BBS9: variants seen among roughly 807,000 people sequenced by gnomAD.
BBS9 encodes the protein Bardet-Biedl syndrome 9, also known as protein PTHB1.
BBS9 carries 89 observed loss-of-function variants against 117.7 expected under a neutral mutation model. That is an observed-to-expected ratio of 0.76 (90% CI 0.64 to 0.90). The LOEUF is 0.90. BBS9 is among the 40% of genes least tolerant of loss of function. The pLI is 0.00. For synonymous variants in BBS9, 379 were observed against 370.9 expected (o/e 1.02, Z -0.25); for missense variants, 982 against 1,042.2 (o/e 0.94, Z 0.80).
intron 7 of BBS9, among the ~76,000 whole-genome samples, chr7:33,268,062 C>T (rs1188217779): frequency 6.6e-6 from 1 of 152,150 alleles, no homozygotes; most frequent in Admixed American, 6.5e-5. Context: ...TTCCCTATTC[C>T]TCAGGCAAGA....
chr7:33,334,870 G>A (rs1814972809), intron 9 of BBS9, among the ~76,000 whole-genome samples: 1 of 152,178 alleles, frequency 6.6e-6, no homozygotes, highest in Non-Finnish European at 1.5e-5. Flanking sequence ...TTGAACCAGT[G>A]ACAACAATCT....
At chr7:33,384,586 A>T (rs1262062739) in intron 18 of BBS9, among the ~76,000 whole-genome samples, 1 of 152,132 alleles carries the variant, frequency 6.6e-6, no homozygotes, top group East Asian at 1.9e-4. Context: ...CATAGTCTAT[A>T]AACACTCTAC....
downstream of BBS9, among the ~76,000 whole-genome samples, chr7:33,606,664 A>AT (rs1010225830): frequency 6.6e-6 from 1 of 151,942 alleles, no homozygotes; most frequent in African/African-American, 2.4e-5. Flanking sequence ...TACTTCCCAG[A>AT]TTTTTTTGCC....
At chr7:33,501,084 C>G (rs992841447) in intron 19 of BBS9, among the ~76,000 whole-genome samples, 1 of 152,196 alleles carries the variant, frequency 6.6e-6, no homozygotes, top group African/African-American at 2.4e-5. Context: ...ACATCTTGCT[C>G]AGCCAGTGAT....
intron 9 of BBS9, among the ~76,000 whole-genome samples, chr7:33,316,693 C>T (rs1810573893): frequency 6.6e-6 from 1 of 152,056 alleles, no homozygotes; most frequent in South Asian, 2.1e-4. Context: ...ATACTTCGCT[C>T]TGTGAAATGT....
At chr7:33,471,892 C>G (rs1264885021) in intron 19 of BBS9, among the ~76,000 whole-genome samples, 1 of 152,176 alleles carries the variant, frequency 6.6e-6, no homozygotes, top group Non-Finnish European at 1.5e-5. Context: ...TTCCGCACAG[C>G]TGGTAGAGCA....
chr7:33,172,651 C>T (rs546317507), intron 4 of BBS9, among the ~76,000 whole-genome samples: 1 of 152,320 alleles, frequency 6.6e-6, no homozygotes, highest in South Asian at 2.1e-4. Flanking sequence ...AAATAGTTTT[C>T]CTTTTCCCTA....
intron 9 of BBS9, chr7:33,277,070 CCTT>C (rs1249342594): frequency 1.8e-5 from 4 of 224,934 alleles, no homozygotes; most frequent in African/African-American, 9.2e-5. Flanking sequence ...TGGTAGTTGG[CCTT>C]CTTCCCATTG....
intron 19 of BBS9, among the ~76,000 whole-genome samples, chr7:33,389,195 C>T (rs1466559216): frequency 3.3e-5 from 5 of 149,336 alleles, no homozygotes; most frequent in South Asian, 2.2e-4. Flanking sequence ...ATTCAGCATC[C>T]GCCACCACAT....
At chr7:33,411,797 C>T (rs1400175300) in intron 19 of BBS9, among the ~76,000 whole-genome samples, 1 of 152,004 alleles carries the variant, frequency 6.6e-6, no homozygotes, top group Admixed American at 6.6e-5. Context: ...ATTGTGCTAT[C>T]AAATATTTAT....
At chr7:33,459,253 A>G (rs1479033681) in intron 19 of BBS9, among the ~76,000 whole-genome samples, 2 of 152,022 alleles carry the variant, frequency 1.3e-5, no homozygotes, top group African/African-American at 4.8e-5. Flanking sequence ...TTTGCTCAGC[A>G]TTTTGGAAAT....
chr7:33,529,366 A>G (rs942721972), intron 20 of BBS9, among the ~76,000 whole-genome samples: 2 of 152,184 alleles, frequency 1.3e-5, no homozygotes, highest in Admixed American at 6.5e-5. Context: ...GCAGCTATCT[A>G]TCAAGGAGTG....
intron 19 of BBS9, among the ~76,000 whole-genome samples, chr7:33,444,829 C>A (rs1836755567): frequency 2.0e-5 from 3 of 152,210 alleles, no homozygotes; most frequent in African/African-American, 7.2e-5. Context: ...ATAATCTATT[C>A]TCCCTGCTCA....
intron 1 of BBS9, 109 bp from the exon 2 acceptor site, chr7:33,146,133 A>G (rs931845439): frequency 3.9e-5 from 29 of 738,148 alleles, no homozygotes; most frequent in Non-Finnish European, 5.8e-5. Context: ...TTAAAAAGTT[A>G]ATATAGAAAT....
At chr7:33,459,048 G>A (rs1839058218) in intron 19 of BBS9, among the ~76,000 whole-genome samples, 1 of 152,026 alleles carries the variant, frequency 6.6e-6, no homozygotes, top group African/African-American at 2.4e-5. Context: ...TGAAGTTAGG[G>A]GATCAGGAGT....
At chr7:33,364,949 G>A (rs549593571) in intron 16 of BBS9, among the ~76,000 whole-genome samples, 5 of 151,680 alleles carry the variant, frequency 3.3e-5, no homozygotes, top group East Asian at 2.0e-4. Flanking sequence ...GGCTGATCTC[G>A]AACTGCTGAG....
intron 9 of BBS9, among the ~76,000 whole-genome samples, chr7:33,303,043 T>A (rs1806839287): frequency 6.6e-6 from 1 of 152,300 alleles, no homozygotes; most frequent in East Asian, 1.9e-4. Flanking sequence ...AAATGGGATA[T>A]CTTTCTTGAT....
intron 5 of BBS9, among the ~76,000 whole-genome samples, chr7:33,184,655 A>G (rs1260219512): frequency 6.6e-6 from 1 of 152,134 alleles, no homozygotes. Flanking sequence ...TGGGTTCTGC[A>G]TTCTGTTTCC....
chr7:33,576,616 A>G (rs1858931130), intron 21 of BBS9, among the ~76,000 whole-genome samples: 2 of 152,186 alleles, frequency 1.3e-5, no homozygotes, highest in Admixed American at 1.3e-4. Flanking sequence ...CTAAGCAAAA[A>G]GAACAAAGCT....
Sources: gnomAD v4.1 joint callset for allele counts (sites outside exome capture counted in the v4.1 genomes callset) on GRCh38, gnomAD v4.1.1 for gene constraint, MANE v1.5 for transcripts, NCBI Gene and HGNC (gene_info 2026-07-23, HGNC 2026-07-21) for gene names.